Variants in IQGAP2 observed in about 807,000 individuals in gnomAD.
IQGAP2 encodes the protein ras GTPase-activating-like protein IQGAP2.
IQGAP2 carries 173 observed loss-of-function variants against 201.3 expected under a neutral mutation model. That is an observed-to-expected ratio of 0.86 (90% CI 0.76 to 0.98). The LOEUF (loss-of-function observed/expected upper bound fraction) is 0.98, where lower values mean the gene tolerates loss of function less well. IQGAP2 is among the 50% of genes least tolerant of loss of function. The pLI, the probability that IQGAP2 is intolerant of heterozygous loss-of-function variation, is 0.00. For missense variants in IQGAP2, 1,687 were observed against 1,864.8 expected (o/e 0.90, Z 1.76); for synonymous variants, 675 against 673.9 (o/e 1.00, Z -0.03).
chr5:76,663,484 A>G (rs1470035960), intron 21 of IQGAP2, among the ~76,000 whole-genome samples: 1 of 152,166 alleles, frequency 6.6e-6, no homozygotes, highest in Non-Finnish European at 1.5e-5. Flanking sequence ...TATGAGTCGC[A>G]TGCCATTAGG....
chr5:76,487,102 CTTT>C (rs11322216), intron 2 of IQGAP2, among the ~76,000 whole-genome samples: 3 of 141,356 alleles, frequency 2.1e-5, no homozygotes, highest in Admixed American at 7.1e-5. Flanking sequence ...TTCTTTCTTT[CTTT>C]TTTTTTTTTT....
At chr5:76,582,475 C>T (rs571861854) in intron 5 of IQGAP2, among the ~76,000 whole-genome samples, 18 of 152,220 alleles carry the variant, frequency 1.2e-4, no homozygotes, top group African/African-American at 3.4e-4. Context: ...CAGGATTCAG[C>T]GCTTCTGGAT....
intron 2 of IQGAP2, among the ~76,000 whole-genome samples, chr5:76,524,638 GC>G (rs928780915): frequency 6.6e-6 from 1 of 152,158 alleles, no homozygotes; most frequent in African/African-American, 2.4e-5. Context: ...AGTTGAACAA[GC>G]CAAAGGAAGA....
chr5:76,457,220 C>T (rs1754143897), intron 1 of IQGAP2, among the ~76,000 whole-genome samples: 1 of 152,122 alleles, frequency 6.6e-6, no homozygotes, highest in South Asian at 2.1e-4. Flanking sequence ...AACTCCTGAA[C>T]TCAAGGGATT....
intron 1 of IQGAP2, among the ~76,000 whole-genome samples, chr5:76,408,343 T>C (rs1293406459): frequency 6.6e-6 from 1 of 152,220 alleles, no homozygotes; most frequent in Non-Finnish European, 1.5e-5. Context: ...TAGGTGCTTT[T>C]CATGTGTTAC....
chr5:76,647,824 C>CAT (rs1752179150), intron 17 of IQGAP2, among the ~76,000 whole-genome samples: 1 of 17,252 alleles, frequency 5.8e-5, no homozygotes, highest in African/African-American at 2.8e-4. Context: ...AGCCAAACAC[C>CAT]ACACACACAC....
At chr5:76,584,431 A>G (rs1471886664) in intron 5 of IQGAP2, among the ~76,000 whole-genome samples, 1 of 152,228 alleles carries the variant, frequency 6.6e-6, no homozygotes, top group Non-Finnish European at 1.5e-5. Flanking sequence ...ACTGAGAAAC[A>G]AACTGGGAGA....
At chr5:76,412,766 C>T (rs1172377847) in intron 1 of IQGAP2, among the ~76,000 whole-genome samples, 2 of 152,204 alleles carry the variant, frequency 1.3e-5, no homozygotes, top group Admixed American at 1.3e-4. Flanking sequence ...TAAAGATCAT[C>T]TTGGCAGCTT....
chr5:76,496,746 T>C (rs1756959536), intron 2 of IQGAP2, among the ~76,000 whole-genome samples: 1 of 56,878 alleles, frequency 1.8e-5, no homozygotes, highest in Non-Finnish European at 3.5e-5. Flanking sequence ...TCTTTCTTTC[T>C]TTCTTTCTTT....
At chr5:76,449,405 TC>T (rs927494067) in intron 1 of IQGAP2, among the ~76,000 whole-genome samples, 2 of 152,188 alleles carry the variant, frequency 1.3e-5, no homozygotes, top group African/African-American at 4.8e-5. Flanking sequence ...ATAACTTTTC[TC>T]CAGCTGTTAA....
At chr5:76,507,363 A>G (rs1757663110) in intron 2 of IQGAP2, among the ~76,000 whole-genome samples, 1 of 152,254 alleles carries the variant, frequency 6.6e-6, no homozygotes, top group Non-Finnish European at 1.5e-5. Context: ...CACAAAAATT[A>G]ACATAAAATG....
chr5:76,563,145 G>T (rs942269651), intron 3 of IQGAP2, among the ~76,000 whole-genome samples: 1 of 152,134 alleles, frequency 6.6e-6, no homozygotes, highest in Admixed American at 6.5e-5. Flanking sequence ...TAGGAGGATT[G>T]CTTGAGCCCA....
Position 76,651,810 on chromosome 5 carries a change from C to T in IQGAP2, c.2095-940C>T, listed in dbSNP as rs899609356. 4.0e-5 allele frequency among the ~76,000 whole-genome samples: 6 copies of T among 151,864 alleles called. No homozygotes were observed. In the South Asian group the frequency reaches 1.2e-3, roughly 32 times the overall value. ...AGTCTGGAGCAAGTGCCCAGTTCGT[C>T]ATTTTGATTCCATCCTGACTAAATT... On this transcript the variant is annotated intron_variant, in intron 17 of 35. Transcript: ENST00000274364.
intron 1 of IQGAP2, among the ~76,000 whole-genome samples, chr5:76,428,169 G>A (rs1446520038): frequency 6.6e-6 from 1 of 152,190 alleles, no homozygotes; most frequent in Admixed American, 6.5e-5. Flanking sequence ...CAGCCCCTCA[G>A]AAGGGCTTTG....
chr5:76,676,791 C>G (rs1175535008), intron 27 of IQGAP2, among the ~76,000 whole-genome samples: 1 of 152,124 alleles, frequency 6.6e-6, no homozygotes, highest in Non-Finnish European at 1.5e-5. Context: ...TGATGTAGGC[C>G]CAGGAGCCTG....
At chr5:76,484,562 T>G (rs1755994686) in intron 2 of IQGAP2, among the ~76,000 whole-genome samples, 2 of 152,160 alleles carry the variant, frequency 1.3e-5, no homozygotes, top group Admixed American at 1.3e-4. Flanking sequence ...GCACTTTTCC[T>G]TTAAAAAAAA....
intron 2 of IQGAP2, among the ~76,000 whole-genome samples, chr5:76,465,991 T>A (rs1308081975): frequency 6.6e-6 from 1 of 152,122 alleles, no homozygotes; most frequent in Non-Finnish European, 1.5e-5. Context: ...CTAGAAATAT[T>A]CCCAGCTGCC....
rs1744645675 is a variant in IQGAP2 at position 76,674,643 on chromosome 5, T to C, written c.3461T>C (p.Phe1154Ser). Residue 1154 changes from phenylalanine to serine, a missense_variant, in exon 27 of 36, where the codon TTT becomes TCT. Transcript: ENST00000274364. ...VLQHAASNKL[F>S]EGENEHLSSM... The stretch of plus-strand genomic sequence containing the variant: ...CAGCACGCAGCCTCCAACAAGCTGT[T>C]TGAAGGAGAAAATGAGCATCTCTCA... The C allele has an allele frequency of 6.2e-7, 1 of 1,614,024 alleles. No homozygotes were observed. The highest frequency in any genetic ancestry group is 1.3e-5 in the African/African-American group (1 of 74,922).
Position 76,600,830 on chromosome 5 carries a change from G to T in IQGAP2, c.1090G>T (p.Glu364Ter). The T allele has an allele frequency of 3.7e-6, 6 of 1,614,090 alleles. No homozygotes were observed. The highest frequency in any genetic ancestry group is 5.1e-6 in the Non-Finnish European group (6 of 1,179,970). ...CCAACAGAACTACTTGGCCCACGAG[G>T]AGCTTTTGATTGCTGTGGAAATGTT... ...QNTMNYLAHE[E>*]LLIAVEMLSA... Residue 364 changes from glutamate to a stop codon, truncating the protein, a stop_gained, in exon 11 of 36, where the codon GAG becomes TAG. Coordinates refer to ENST00000274364, the MANE Select transcript of IQGAP2 (RefSeq NM_006633.5). LOFTEE classifies it high-confidence loss of function.
Sources: allele counts gnomAD v4.1 joint callset (sites outside exome capture counted in the v4.1 genomes callset), GRCh38; gene constraint gnomAD v4.1.1; transcripts MANE v1.5; gene names NCBI Gene and HGNC (gene_info 2026-07-23, HGNC 2026-07-21).